TBC1D8B: variants seen among roughly 807,000 people sequenced by gnomAD.
The protein encoded by TBC1D8B is RP11-321G1.1.
Under a neutral mutation model 82.9 loss-of-function variants are expected in TBC1D8B, and 75 were observed. That is an observed-to-expected ratio of 0.90 (90% confidence interval 0.75 to 1.10). The LOEUF is 1.10. Among genes scored for constraint, TBC1D8B ranks in the 50% least tolerant of loss-of-function variants. The pLI is 0.00. For synonymous variants in TBC1D8B, 276 were observed against 276.8 expected (o/e 1.00, Z 0.03); for missense variants, 794 against 796.9 (o/e 1.00, Z 0.04).
chrX:106,812,899 G>A (rs1349219530), intron 1 of TBC1D8B, among the ~76,000 whole-genome samples: 1 of 109,756 alleles, frequency 9.1e-6, no homozygotes, highest in African/African-American at 3.3e-5. Flanking sequence ...CCCAGGTGGG[G>A]GTGCAGCGGC....
intron 1 of TBC1D8B, among the ~76,000 whole-genome samples, chrX:106,807,651 T>A (rs914347654): frequency 9.0e-6 from 1 of 111,395 alleles, no homozygotes; most frequent in Non-Finnish European, 1.9e-5. Context: ...TCTTTAAAGG[T>A]AATTTTTTAC....
chrX:106,820,610 T>C (rs1348348139), intron 2 of TBC1D8B, among the ~76,000 whole-genome samples: 1 of 111,553 alleles, frequency 9.0e-6, no homozygotes, highest in African/African-American at 3.2e-5. Context: ...TAGCATCTTG[T>C]TTTCAGAATT....
intron 1 of TBC1D8B, among the ~76,000 whole-genome samples, chrX:106,813,081 C>T (rs1321631302): frequency 1.8e-5 from 2 of 111,797 alleles, no homozygotes; most frequent in African/African-American, 6.5e-5. Flanking sequence ...TGGTCTGAAA[C>T]TCCTGACCTC....
chrX:106,826,124 T>C lies in TBC1D8B; in HGVS notation c.922T>C (p.Trp308Arg), dbSNP rs146869270. The change falls in exon 6 of 21, where the codon TGG (tryptophan) becomes CGG (arginine). Residue 308 changes from tryptophan (W) to arginine (R), a missense_variant. Transcript: ENST00000357242. ...GAAAGAAGTACATGAATGTTTCTTA[T>C]GGGTACCATTCAGCCACTTCAATAC... ...SLKEVHECFL[W>R]VPFSHFNTHG... 305 of 1,208,820 alleles carry C rather than the reference T, an allele frequency of 2.5e-4. 2 individuals carry two copies. Among genetic ancestry groups the C allele is most frequent in the Non-Finnish European group, 6.1e-5 (55 of 894,478 alleles).
intron 1 of TBC1D8B, among the ~76,000 whole-genome samples, chrX:106,803,407 G>A (rs983764794): frequency 1.9e-5 from 2 of 106,287 alleles, no homozygotes; most frequent in African/African-American, 6.9e-5. Context: ...AGCGTATGGG[G>A]GATGGGATGG....
intron 10 of TBC1D8B, among the ~76,000 whole-genome samples, chrX:106,842,850 C>T (rs189161758): frequency 4.8e-4 from 53 of 110,901 alleles, no homozygotes; most frequent in African/African-American, 1.7e-3. Flanking sequence ...GCAGTTACTC[C>T]CCATTTCTCC....
intron 15 of TBC1D8B, 72 bp downstream of exon 15, chrX:106,865,699 A>C (rs1237177971): frequency 3.6e-6 from 4 of 1,096,699 alleles, no homozygotes; most frequent in Non-Finnish European, 1.2e-6. Flanking sequence ...CATTCTAATT[A>C]TTTTTATCTT....
intron 14 of TBC1D8B, among the ~76,000 whole-genome samples, chrX:106,861,267 C>T (rs370942533): frequency 2.7e-5 from 3 of 110,980 alleles, no homozygotes; most frequent in South Asian, 3.8e-4. Context: ...GTTCAGGTCC[C>T]GAATATCTTT....
At chrX:106,850,485 A>G (rs1451827312) in intron 12 of TBC1D8B, among the ~76,000 whole-genome samples, 175 bp downstream of exon 12, 5 of 112,170 alleles carry the variant, frequency 4.5e-5, no homozygotes, top group Admixed American at 9.5e-5. Context: ...CAGAAAAAAT[A>G]TAGCAAGAAT....
At chrX:106,830,561 A>G (rs1361708590) in intron 7 of TBC1D8B, among the ~76,000 whole-genome samples, 16 of 111,119 alleles carry the variant, frequency 1.4e-4, no homozygotes, top group African/African-American at 5.2e-4. Flanking sequence ...TCCAACAATG[A>G]TAGACTGGAC....
chrX:106,816,546 C>G (rs1415340957), intron 1 of TBC1D8B, among the ~76,000 whole-genome samples: 1 of 110,816 alleles, frequency 9.0e-6, no homozygotes, highest in Admixed American at 9.7e-5. Flanking sequence ...ATCCTCATTC[C>G]CATTGTCTTT....
At chrX:106,871,817 A>C (rs1932849740) in intron 20 of TBC1D8B, among the ~76,000 whole-genome samples, 1 of 111,949 alleles carries the variant, frequency 8.9e-6, no homozygotes, top group South Asian at 3.8e-4. Flanking sequence ...AAATAGTTAT[A>C]TTTACTGGTT....
chrX:106,856,233 A>G (rs1932694566), intron 14 of TBC1D8B, among the ~76,000 whole-genome samples: 1 of 111,441 alleles, frequency 9.0e-6, no homozygotes, highest in Non-Finnish European at 1.9e-5. Flanking sequence ...TTTGACTATT[A>G]GTAGTACCAG....
In TBC1D8B at chrX:106,822,121, A is replaced by C; in HGVS notation, c.505A>C (p.Lys169Gln). 1 of 1,210,402 alleles carries C rather than the reference A, an allele frequency of 8.3e-7. No individual in the cohort carries two copies. The highest frequency in any genetic ancestry group is 1.1e-6 in the Non-Finnish European group (1 of 894,848). ...GACCTATTATTCATGCAGTTATTGG[A>C]AAGGACGGGTTCCTTGTCAGGGTTG... Reference protein sequence around the residue: ...LVTYYSCSYWKGRVPCQGWLY... With the variant: ...LVTYYSCSYWQGRVPCQGWLY... The change falls in exon 4 of 21, where the codon AAA becomes CAA. Residue 169 changes from lysine (K) to glutamine (Q), a missense_variant. Coordinates refer to ENST00000357242, the MANE Select transcript of TBC1D8B (RefSeq NM_017752.3).
At chrX:106,831,330 A>T (rs938143611) in intron 7 of TBC1D8B, among the ~76,000 whole-genome samples, 21 of 110,324 alleles carry the variant, frequency 1.9e-4, no homozygotes, top group Middle Eastern at 4.8e-3. Flanking sequence ...ATGTAATTAA[A>T]TTTTTTTTTC....
At chrX:106,867,335 C>T (rs1438173430) in intron 17 of TBC1D8B, among the ~76,000 whole-genome samples, 1 of 111,976 alleles carries the variant, frequency 8.9e-6, no homozygotes, top group Admixed American at 9.5e-5. Flanking sequence ...AAGACATTAA[C>T]TTTACATGCA....
chrX:106,856,697 C>A (rs186935973), intron 14 of TBC1D8B, among the ~76,000 whole-genome samples: 5 of 111,459 alleles, frequency 4.5e-5, no homozygotes, highest in African/African-American at 1.6e-4. Flanking sequence ...CTTTCAATTA[C>A]CATAGTTTGT....
chrX:106,831,774 G>T (rs180859950), intron 7 of TBC1D8B, among the ~76,000 whole-genome samples: 1,205 of 110,965 alleles, frequency 0.011, 22 homozygotes, highest in African/African-American at 0.037. Flanking sequence ...TTTCTCACTC[G>T]TTTTTAGAGG....
At chrX:106,815,305 T>A (rs1249503944) in intron 1 of TBC1D8B, 2 of 111,774 alleles carry the variant, frequency 1.8e-5, no homozygotes, top group African/African-American at 6.5e-5. Context: ...AGATAGGGAA[T>A]CCTTTCCCCA....
Sources: allele counts gnomAD v4.1 joint callset (sites outside exome capture counted in the v4.1 genomes callset), GRCh38; gene constraint gnomAD v4.1.1; transcripts MANE v1.5; gene names NCBI Gene and HGNC (gene_info 2026-07-23, HGNC 2026-07-21).